The following TMTC2 variants were observed in gnomAD, a reference collection of about 807,000 sequenced individuals.
TMTC2 encodes transmembrane O-mannosyltransferase targeting cadherins 2.
TMTC2 carries 43 observed loss-of-function variants against 82.4 expected under a neutral mutation model. The observed-to-expected ratio is 0.52, with a 90% CI of 0.41 to 0.67. The LOEUF is 0.67. Ranked by LOEUF, TMTC2 falls within the 30% of genes least tolerant of loss-of-function variation. The pLI is 0.00. For missense variants in TMTC2, 919 were observed against 1,012.4 expected (o/e 0.91, Z 1.25); for synonymous variants, 408 against 381.9 (o/e 1.07, Z -0.80).
At chr12:83,095,279 C>T (rs192774011) in intron 11 of TMTC2, among the ~76,000 whole-genome samples, 14 of 141,206 alleles carry the variant, frequency 9.9e-5, no homozygotes, top group African/African-American at 3.7e-4. Context: ...CTCGCTTTGT[C>T]GCCCAGGCTG....
intron 1 of TMTC2, among the ~76,000 whole-genome samples, chr12:82,728,473 C>G (rs1265953848): frequency 1.3e-5 from 2 of 152,102 alleles, no homozygotes; most frequent in African/African-American, 4.8e-5. Context: ...GTAATCCCAC[C>G]ACTTTGGGAG....
At chr12:82,786,573 A>G (rs1002266936) in intron 1 of TMTC2, among the ~76,000 whole-genome samples, 1 of 152,140 alleles carries the variant, frequency 6.6e-6, no homozygotes, top group African/African-American at 2.4e-5. Context: ...GGGGTAAAAA[A>G]ATGAGCATCT....
intron 1 of TMTC2, among the ~76,000 whole-genome samples, chr12:82,775,525 G>A (rs935129520): frequency 1.2e-4 from 18 of 151,990 alleles, no homozygotes; most frequent in Non-Finnish European, 1.9e-4. Context: ...TGTATAGAGA[G>A]GAAACTATGT....
rs563561738 is a variant in TMTC2 at position 83,121,022 on chromosome 12, A to G, written c.2332-11188A>G. On this transcript the variant is annotated intron_variant, in intron 11 of 11. Coordinates refer to ENST00000321196, the MANE Select transcript of TMTC2 (RefSeq NM_152588.3). ...CTGAAGTTTTTATTGTTCTTTACTT[A>G]TGCTATTTCAGTGAATATTTCTCCC... is the stretch of plus-strand genomic sequence containing the variant. Among the ~76,000 whole-genome samples, 47 of 152,208 alleles carry G rather than the reference A, an allele frequency of 3.1e-4. 1 individual carries two copies. Among genetic ancestry groups the G allele is most frequent in the African/African-American group, 1.1e-3 (45 of 41,534 alleles).
intron 1 of TMTC2, among the ~76,000 whole-genome samples, chr12:82,809,004 T>G (rs1293209882): frequency 6.6e-6 from 1 of 150,634 alleles, no homozygotes; most frequent in African/African-American, 2.4e-5. Context: ...TTGTTTGATT[T>G]TTTTTTCTAG....
chr12:82,809,071 A>C (rs1039478183), intron 1 of TMTC2, among the ~76,000 whole-genome samples: 3 of 149,130 alleles, frequency 2.0e-5, no homozygotes, highest in South Asian at 4.2e-4. Context: ...AAGATTCAGA[A>C]ATTATTTATA....
At chr12:82,870,428 T>C (rs1391450926) in intron 2 of TMTC2, among the ~76,000 whole-genome samples, 3 of 152,226 alleles carry the variant, frequency 2.0e-5, no homozygotes, top group African/African-American at 7.2e-5. Context: ...TAACATGGTG[T>C]TACTGTTTGA....
chr12:82,957,295 C>T (rs529959606), intron 4 of TMTC2, among the ~76,000 whole-genome samples: 1 of 152,120 alleles, frequency 6.6e-6, no homozygotes, highest in Admixed American at 6.6e-5. Flanking sequence ...TTTGGGTAAA[C>T]AACGAAATTA....
intron 11 of TMTC2, among the ~76,000 whole-genome samples, chr12:83,100,756 T>C (rs2137532894): frequency 6.6e-6 from 1 of 152,342 alleles, no homozygotes; most frequent in East Asian, 1.9e-4. Context: ...GTTTTACTTA[T>C]CTGAGATACT....
chr12:82,893,602 G>T (rs1380926199), intron 2 of TMTC2, among the ~76,000 whole-genome samples: 1 of 151,862 alleles, frequency 6.6e-6, no homozygotes, highest in East Asian at 1.9e-4. Context: ...CCATCTGGTT[G>T]CTGTTTCTCA....
At chr12:82,984,138 A>T (rs1369842541) in intron 7 of TMTC2, among the ~76,000 whole-genome samples, 3 of 152,052 alleles carry the variant, frequency 2.0e-5, no homozygotes, top group Admixed American at 2.0e-4. Flanking sequence ...TCTTTGCTTC[A>T]GTATTTCTTT....
At chr12:82,788,789 C>T (rs1878311596) in intron 1 of TMTC2, among the ~76,000 whole-genome samples, 1 of 152,230 alleles carries the variant, frequency 6.6e-6, no homozygotes, top group Admixed American at 6.5e-5. Context: ...CTTTTCTTCT[C>T]TTTCCAGGGT....
intron 1 of TMTC2, among the ~76,000 whole-genome samples, chr12:82,696,387 G>A (rs1390424705): frequency 6.6e-6 from 1 of 152,078 alleles, no homozygotes; most frequent in Non-Finnish European, 1.5e-5. Flanking sequence ...AAGAAACAAA[G>A]TTTTATACAT....
At chr12:82,702,191 G>A (rs1467919593) in intron 1 of TMTC2, among the ~76,000 whole-genome samples, 2 of 152,166 alleles carry the variant, frequency 1.3e-5, no homozygotes, top group Non-Finnish European at 2.9e-5. Context: ...TGGAAAATGA[G>A]CAAGTTAATA....
intron 1 of TMTC2, among the ~76,000 whole-genome samples, chr12:82,717,070 G>A (rs1873935901): frequency 6.6e-6 from 1 of 152,166 alleles, no homozygotes; most frequent in African/African-American, 2.4e-5. Flanking sequence ...TTGTACCAAT[G>A]AGGAATATAT....
At chr12:82,717,804 T>TTA (rs1216167652) in intron 1 of TMTC2, among the ~76,000 whole-genome samples, 25 of 152,308 alleles carry the variant, frequency 1.6e-4, no homozygotes, top group African/African-American at 4.8e-4. Context: ...TTAGCTTCAA[T>TTA]TATGTTGTAA....
chr12:83,034,015 C>T (rs1417207993), intron 9 of TMTC2, among the ~76,000 whole-genome samples: 1 of 151,156 alleles, frequency 6.6e-6, no homozygotes, highest in Non-Finnish European at 1.5e-5. Context: ...AATCAGTAGG[C>T]CCTGCTGTGC....
At chr12:83,125,859 T>G (rs1156636893) in intron 11 of TMTC2, among the ~76,000 whole-genome samples, 1 of 152,200 alleles carries the variant, frequency 6.6e-6, no homozygotes, top group African/African-American at 2.4e-5. Context: ...GGACTCCTGT[T>G]ATATTAATGC....
chr12:83,027,059 A>G (rs1346960436), intron 8 of TMTC2, among the ~76,000 whole-genome samples: 2 of 152,054 alleles, frequency 1.3e-5, no homozygotes, highest in African/African-American at 4.8e-5. Flanking sequence ...AGTTTAATAA[A>G]TACTGGTTGT....
Sources: gnomAD v4.1 joint callset for allele counts (sites outside exome capture counted in the v4.1 genomes callset) on GRCh38, gnomAD v4.1.1 for gene constraint, MANE v1.5 for transcripts, NCBI Gene and HGNC (gene_info 2026-07-23, HGNC 2026-07-21) for gene names.